Variants in MAGI1 observed in about 807,000 individuals in gnomAD.
MAGI1 encodes the protein membrane associated guanylate kinase, WW and PDZ domain containing 1, also known as membrane-associated guanylate kinase, WW and PDZ domain-containing protein 1.
Under a neutral mutation model 139.9 loss-of-function variants are expected in MAGI1, and 58 were observed. The observed-to-expected ratio is 0.41, with a 90% CI of 0.34 to 0.52. The LOEUF (loss-of-function observed/expected upper bound fraction) is 0.52. Among genes scored for constraint, MAGI1 ranks in the 20% least tolerant of loss-of-function variants. The probability of loss-of-function intolerance (pLI) is 0.12; values close to 1 mark genes in which losing one functional copy is unlikely to be tolerated. For synonymous variants in MAGI1, 812 were observed against 737.9 expected, an observed-to-expected ratio of 1.10 and a Z score of -1.63; for missense variants, 1,874 against 1,901.6, an observed-to-expected ratio of 0.99 and a Z score of 0.27.
intron 2 of MAGI1, among the ~76,000 whole-genome samples, chr3:65,546,816 T>TA (rs577735998): frequency 9.4e-4 from 143 of 152,024 alleles, no homozygotes; most frequent in Admixed American, 2.9e-3. Context: ...CTCTAACCCT[T>TA]AAAAAAAAGT....
Position 65,781,543 on chromosome 3 carries a change from G to A in MAGI1, c.314-159455C>T, listed in dbSNP as rs564855873. On this transcript the variant is annotated intron_variant, in intron 1 of 22. Coordinates refer to ENST00000402939, the MANE Select transcript of MAGI1 (RefSeq NM_001033057.2). ...TTTTTTAAAACTAAATACAGTAGTGGTTTGTTTCACAGAAATAGATTCATT... is the reference window on the plus strand; with the variant it reads ...TTTTTTAAAACTAAATACAGTAGTGATTTGTTTCACAGAAATAGATTCATT... Among the ~76,000 whole-genome samples, 8 of 152,274 alleles carry A rather than the reference G, an allele frequency of 5.3e-5. No homozygotes were observed. The East Asian group carries it at 1.5e-3, about 29-fold the overall frequency.
chr3:65,454,734 AAC>A (rs869294916), intron 5 of MAGI1, among the ~76,000 whole-genome samples: 14 of 131,046 alleles, frequency 1.1e-4, no homozygotes, highest in African/African-American at 4.8e-4. Flanking sequence ...CAAAAAAAAA[AAC>A]ATATGGCTTA....
At chr3:65,699,241 G>C (rs1449133116) in intron 1 of MAGI1, among the ~76,000 whole-genome samples, 1 of 104,516 alleles carries the variant, frequency 9.6e-6, no homozygotes, top group East Asian at 3.1e-4. Flanking sequence ...GTGCTGGAGA[G>C]GATGTGGAGA....
At chr3:65,848,563 C>T (rs58749567) in intron 1 of MAGI1, among the ~76,000 whole-genome samples, 1 of 145,994 alleles carries the variant, frequency 6.8e-6, no homozygotes, top group African/African-American at 2.6e-5. Flanking sequence ...TTAAGTTACC[C>T]AACATAAGTT....
chr3:65,839,037 T>G (rs2058721307), intron 1 of MAGI1, among the ~76,000 whole-genome samples: 1 of 152,260 alleles, frequency 6.6e-6, no homozygotes, highest in South Asian at 2.1e-4. Context: ...ATTTTATAAT[T>G]GAATTGCTTG....
intron 1 of MAGI1, among the ~76,000 whole-genome samples, chr3:66,024,738 G>T (rs766003949): frequency 1.3e-5 from 2 of 152,060 alleles, no homozygotes; most frequent in Non-Finnish European, 2.9e-5. Flanking sequence ...CCCAGGAGGC[G>T]GAGGTTGCAG....
intron 1 of MAGI1, among the ~76,000 whole-genome samples, chr3:65,821,088 G>A (rs977481484): frequency 3.3e-5 from 5 of 151,918 alleles, no homozygotes; most frequent in African/African-American, 4.8e-5. Flanking sequence ...AGGCTCTTGG[G>A]GGAAGACAGG....
chr3:65,834,766 T>C lies in MAGI1; in HGVS notation c.313+203230A>G, dbSNP rs77028678. ...ACATATTTTGCAGGTCTTTTGTTTG[T>C]TGCATAGGCATTTAGAATTGCTATG... On this transcript the variant is annotated intron_variant, in intron 1 of 22. Transcript: ENST00000402939. Among the ~76,000 whole-genome samples the C allele has an allele frequency of 7.0e-3, 1,073 of 152,368 alleles. 10 individuals carry two copies. The highest frequency in any genetic ancestry group is 0.024 in the African/African-American group (1,014 of 41,592).
chr3:66,030,452 C>T (rs1008544100), intron 1 of MAGI1, among the ~76,000 whole-genome samples: 10 of 152,190 alleles, frequency 6.6e-5, no homozygotes, highest in African/African-American at 2.4e-4. Context: ...GACAACATTC[C>T]TGCCATCTCA....
chr3:65,816,997 T>C (rs1273821683), intron 1 of MAGI1, among the ~76,000 whole-genome samples: 3 of 152,370 alleles, frequency 2.0e-5, no homozygotes, highest in South Asian at 2.1e-4. Context: ...ATCTTGCATA[T>C]TGTAGTCAAT....
intron 1 of MAGI1, among the ~76,000 whole-genome samples, chr3:65,879,958 C>G (rs999748291): frequency 6.6e-6 from 1 of 152,200 alleles, no homozygotes; most frequent in Non-Finnish European, 1.5e-5. Context: ...GCATCAGCTA[C>G]TAGAATCTGT....
At chr3:65,906,019 CTTGCTT>C (rs1365453400) in intron 1 of MAGI1, among the ~76,000 whole-genome samples, 1 of 152,136 alleles carries the variant, frequency 6.6e-6, no homozygotes, top group Non-Finnish European at 1.5e-5. Flanking sequence ...AAAACATAAC[CTTGCTT>C]TTGCTCACTT....
intron 1 of MAGI1, among the ~76,000 whole-genome samples, chr3:65,961,200 T>C (rs2064408650): frequency 6.6e-6 from 1 of 152,204 alleles, no homozygotes; most frequent in African/African-American, 2.4e-5. Context: ...CTGCAATGCA[T>C]TAAAGGTAGG....
chr3:65,974,445 TA>T (rs1336083345), intron 1 of MAGI1, among the ~76,000 whole-genome samples: 1 of 134,234 alleles, frequency 7.4e-6, no homozygotes, highest in African/African-American at 2.8e-5. Context: ...ATGCATGGAT[TA>T]ACCAACCTTA....
intron 1 of MAGI1, among the ~76,000 whole-genome samples, chr3:65,914,591 T>C (rs2061813689): frequency 6.6e-6 from 1 of 152,136 alleles, no homozygotes; most frequent in Admixed American, 6.5e-5. Context: ...ACAGGTGCAG[T>C]CCAAATCCAG....
chr3:65,776,690 T>C (rs115592761), intron 1 of MAGI1, among the ~76,000 whole-genome samples: 4,506 of 152,186 alleles, frequency 0.03, 86 homozygotes, highest in Middle Eastern at 0.044. Flanking sequence ...CAGAAAACGG[T>C]ACTCCCCCCG....
At chr3:65,861,333 C>T (rs556792248) in intron 1 of MAGI1, among the ~76,000 whole-genome samples, 1 of 152,156 alleles carries the variant, frequency 6.6e-6, no homozygotes, top group Non-Finnish European at 1.5e-5. Context: ...CCAGTCACCA[C>T]CCCACCCAAA....
intron 1 of MAGI1, among the ~76,000 whole-genome samples, chr3:65,859,393 T>C (rs751769626): frequency 6.2e-4 from 93 of 151,166 alleles, no homozygotes; most frequent in Non-Finnish European, 1.1e-3. Context: ...CCATTTAGCA[T>C]GGAGTCACTC....
chr3:65,395,636 C>CAAAGA (rs1944323484), intron 13 of MAGI1, among the ~76,000 whole-genome samples: 1 of 19,172 alleles, frequency 5.2e-5, no homozygotes, highest in Admixed American at 6.3e-4. Context: ...GACTCCATCT[C>CAAAGA]AAAAAAAAAA....
Sources: gnomAD v4.1 joint callset for allele counts (sites outside exome capture counted in the v4.1 genomes callset) on GRCh38, gnomAD v4.1.1 for gene constraint, MANE v1.5 for transcripts, NCBI Gene and HGNC (gene_info 2026-07-23, HGNC 2026-07-21) for gene names.